The following ASPRV1 variants were observed in gnomAD, a reference collection of about 807,000 sequenced individuals.
ASPRV1 encodes retroviral-like aspartic protease 1.
Under a neutral mutation model 11.0 loss-of-function variants are expected in ASPRV1, and 7 were observed. The observed-to-expected ratio is 0.64, with a 90% CI of 0.36 to 1.20. The LOEUF is 1.20. Ranked by LOEUF, ASPRV1 falls within the 50% of genes most tolerant of loss-of-function variation. The probability of loss-of-function intolerance (pLI) is 0.02; values close to 1 mark genes in which losing one functional copy is unlikely to be tolerated. For synonymous variants in ASPRV1, 136 were observed against 138.4 expected (o/e 0.98, Z 0.12); for missense variants, 299 against 320.0 (o/e 0.93, Z 0.50).
At chr2:70,029,879 G>C in the ASPRV1 span, 6 of 152,316 alleles carry the variant, frequency 3.9e-5, no homozygotes, top group East Asian at 3.9e-4. Context: ...ACAGTGAATT[G>C]TGAGCTGTCT....
the ASPRV1 span, among the ~76,000 whole-genome samples, chr2:69,954,727 A>T: frequency 6.6e-6 from 1 of 152,096 alleles, no homozygotes; most frequent in Non-Finnish European, 1.5e-5. Context: ...CAACTTAAAG[A>T]TCTCTAGGGA....
the ASPRV1 span, chr2:70,070,363 T>C: frequency 6.6e-6 from 1 of 152,166 alleles, no homozygotes; most frequent in Non-Finnish European, 1.5e-5. Flanking sequence ...TACTTAGACT[T>C]TGTCGAGACT....
chr2:70,066,308 A>C, the ASPRV1 span, among the ~76,000 whole-genome samples: 1 of 151,334 alleles, frequency 6.6e-6, no homozygotes, highest in South Asian at 2.1e-4. Context: ...GCGCAATCTC[A>C]GCTCACTGCA....
At chr2:70,048,107 CAAAAAAA>C in the ASPRV1 span, among the ~76,000 whole-genome samples, 2 of 32,492 alleles carry the variant, frequency 6.2e-5, no homozygotes, top group East Asian at 8.5e-4. Context: ...GACTCCATCT[CAAAAAAA>C]AAAAAAAAAA....
At chr2:69,952,429 T>TGG in the ASPRV1 span, among the ~76,000 whole-genome samples, 4 of 151,878 alleles carry the variant, frequency 2.6e-5, no homozygotes, top group Non-Finnish European at 5.9e-5. Flanking sequence ...TGCTTGAGCC[T>TGG]GGGAGGTCTA....
chr2:70,072,496 G>A, the ASPRV1 span, among the ~76,000 whole-genome samples: 1 of 150,600 alleles, frequency 6.6e-6, no homozygotes, highest in Non-Finnish European at 1.5e-5. Flanking sequence ...GCCGAGGCGG[G>A]AGGATCACTT....
chr2:70,047,038 T>C, the ASPRV1 span, among the ~76,000 whole-genome samples: 3 of 152,184 alleles, frequency 2.0e-5, no homozygotes, highest in Admixed American at 6.6e-5. Context: ...GGCCCCTGAC[T>C]TCAGGAAGAA....
the ASPRV1 span, among the ~76,000 whole-genome samples, chr2:69,937,655 C>G: frequency 6.6e-5 from 10 of 152,336 alleles, no homozygotes; most frequent in South Asian, 2.1e-3. Context: ...TGCTCTGTCA[C>G]CCAGGCTGGA....
At chr2:70,066,672 G>A in the ASPRV1 span, among the ~76,000 whole-genome samples, 5 of 151,722 alleles carry the variant, frequency 3.3e-5, no homozygotes, top group East Asian at 1.9e-4. Flanking sequence ...ATTACAGTTC[G>A]TTGCAGCTTC....
the ASPRV1 span, chr2:70,060,247 A>G: frequency 6.6e-6 from 1 of 150,842 alleles, no homozygotes; most frequent in East Asian, 2.0e-4. Context: ...AGGCTGAGGC[A>G]TGAGAATTAC....
At chr2:69,935,291 C>A in the ASPRV1 span, 1 of 1,213,554 alleles carries the variant, frequency 8.2e-7, no homozygotes, top group Non-Finnish European at 1.2e-6. Context: ...CTCATTCTGC[C>A]TGGGGTGCTT....
chr2:69,939,981 G>T, the ASPRV1 span: 1 of 152,118 alleles, frequency 6.6e-6, no homozygotes. Context: ...GATTACTTTT[G>T]TGTTTTTTAA....
chr2:69,973,036 C>T, the ASPRV1 span, among the ~76,000 whole-genome samples: 5 of 151,976 alleles, frequency 3.3e-5, no homozygotes, highest in South Asian at 2.1e-4. Flanking sequence ...GGCAACCTGC[C>T]CAGTAGTATG....
the ASPRV1 span, among the ~76,000 whole-genome samples, chr2:69,984,778 G>T: frequency 2.7e-5 from 4 of 150,642 alleles, no homozygotes; most frequent in African/African-American, 9.8e-5. Context: ...CTGGCACCAC[G>T]CCCAGTTTTT....
chr2:69,999,053 C>T, the ASPRV1 span, among the ~76,000 whole-genome samples: 1 of 152,194 alleles, frequency 6.6e-6, no homozygotes, highest in Non-Finnish European at 1.5e-5. Context: ...AACTCCTTAA[C>T]TTTCACAATT....
chr2:70,040,727 G>C, the ASPRV1 span, among the ~76,000 whole-genome samples: 1 of 152,006 alleles, frequency 6.6e-6, no homozygotes, highest in Non-Finnish European at 1.5e-5. Context: ...TGACCTACTC[G>C]GGAGGCTGAG....
Position 69,960,550 on chromosome 2 carries a change from G to T in ASPRV1, c.*107C>A. 1.6e-6 allele frequency: 2 copies of T among 1,213,824 alleles called. No individual in the cohort carries two copies. The highest frequency in any genetic ancestry group is 2.3e-6 in the Non-Finnish European group (2 of 871,682). The allele number at this position is 1,213,824 out of a possible 1,614,324, so 75.2% of individuals were successfully genotyped here. Reference sequence around the variant, plus strand: ...CAAAGGGGAGAGAAGAGCAAGAGTTGATAAGCAGACTGGCCAAGCCCAGTG... The same window carrying T: ...CAAAGGGGAGAGAAGAGCAAGAGTTTATAAGCAGACTGGCCAAGCCCAGTG... On this transcript the variant is annotated 3_prime_UTR_variant, in exon 1 of 1. Transcript: ENST00000320256.
chr2:69,998,563 A>G, the ASPRV1 span, among the ~76,000 whole-genome samples: 1 of 151,838 alleles, frequency 6.6e-6, no homozygotes, highest in Admixed American at 6.6e-5. Context: ...CGTCTCTACT[A>G]AAAATACAAA....
the ASPRV1 span, among the ~76,000 whole-genome samples, chr2:69,998,333 A>T: frequency 6.6e-6 from 1 of 152,124 alleles, no homozygotes; most frequent in Non-Finnish European, 1.5e-5. Context: ...ATAAGAAAAG[A>T]TCCTTTAAAA....
Sources: allele counts gnomAD v4.1 joint callset (sites outside exome capture counted in the v4.1 genomes callset), GRCh38; gene constraint gnomAD v4.1.1; transcripts MANE v1.5; gene names NCBI Gene and HGNC (gene_info 2026-07-23, HGNC 2026-07-21).